SULT2B1: variants seen among roughly 807,000 people sequenced by gnomAD.
The protein encoded by SULT2B1 is sulfotransferase family 2B member 1.
A neutral mutation model predicts 33.2 loss-of-function variants in SULT2B1; 16 were observed. The observed-to-expected ratio is 0.48, with a 90% CI of 0.33 to 0.73. The LOEUF (loss-of-function observed/expected upper bound fraction) is 0.73, where lower values mean the gene tolerates loss of function less well. Among genes scored for constraint, SULT2B1 ranks in the 30% least tolerant of loss-of-function variants. The pLI, the probability that SULT2B1 is intolerant of heterozygous loss-of-function variation, is 0.02. For missense variants in SULT2B1, 500 were observed against 506.0 expected, an observed-to-expected ratio of 0.99 and a Z score of 0.11; for synonymous variants, 186 against 200.5, an observed-to-expected ratio of 0.93 and a Z score of 0.61.
At position 48,552,849 on chromosome 19, in the gene SULT2B1, G is replaced by C. The variant is rs565621166; in HGVS notation, c.71+526G>C. 6.6e-6 allele frequency among the ~76,000 whole-genome samples: 1 copy of C among 152,224 alleles called. No individual in the cohort carries two copies. The highest frequency in any genetic ancestry group is 2.1e-4 in the South Asian group (1 of 4,820). On this transcript the variant is annotated intron_variant, in intron 1 of 6. Transcript: ENST00000201586. This position sits in a 1 kb window ranked among gnomAD's most constrained non-coding sequence, Gnocchi z 4.8. ...TCTGGACTCTTCAGGTCTCCTAACAGTGGTTAGGGCAGAGCACTGCCCACT... is the reference window on the plus strand; with the variant it reads ...TCTGGACTCTTCAGGTCTCCTAACACTGGTTAGGGCAGAGCACTGCCCACT...
At chr19:48,556,388 C>G (rs1260575040) in intron 1 of SULT2B1, among the ~76,000 whole-genome samples, 3 of 152,118 alleles carry the variant, frequency 2.0e-5, no homozygotes, top group Admixed American at 6.6e-5. Context: ...TAAGCAACCT[C>G]TGAGCCGGAG....
rs959475960 is a variant in SULT2B1 at position 48,579,572 on chromosome 19, G to A, written c.214+3489G>A. Among the ~76,000 whole-genome samples the A allele has an allele frequency of 9.1e-5, 13 of 142,430 alleles. No individual in the cohort carries two copies. In the East Asian group the frequency reaches 2.4e-3, roughly 26 times the overall value. 93.4% of individuals were successfully genotyped at this position (142,430 alleles called of 152,430 possible). Reference sequence around the variant, plus strand: ...GCTGGGATTACAGGCACGAGCCACCGCGCCCGGCCTTTTTCTTTTCTTTTC... The same window carrying A: ...GCTGGGATTACAGGCACGAGCCACCACGCCCGGCCTTTTTCTTTTCTTTTC... On this transcript the variant is annotated intron_variant, in intron 2 of 6. Transcript: ENST00000201586.
chr19:48,576,354 C>CTTTTTTTTTTTTTTTTTTTTTTTTTT (rs879507532), intron 2 of SULT2B1, among the ~76,000 whole-genome samples: 9 of 79,916 alleles, frequency 1.1e-4, no homozygotes, highest in Non-Finnish European at 1.8e-4. Context: ...TTACCCTCTA[C>CTTTTTTTTTTTTTTTTTTTTTTTTTT]TTCTCTTTTT....
intron 3 of SULT2B1, among the ~76,000 whole-genome samples, chr19:48,589,054 T>C (rs993330728): frequency 6.6e-6 from 1 of 152,090 alleles, no homozygotes; most frequent in Non-Finnish European, 1.5e-5. Context: ...GGGCTTAGGC[T>C]TCACCGGCGC....
At chr19:48,579,605 C>CTTTTTTTT (rs149157128) in intron 2 of SULT2B1, among the ~76,000 whole-genome samples, 9 of 79,734 alleles carry the variant, frequency 1.1e-4, no homozygotes, top group East Asian at 4.2e-4. Context: ...TTCTTTCTTT[C>CTTTTTTTT]TTTTTTTTTT....
chr19:48,591,873 G>A, intron 4 of SULT2B1, 138 bp downstream of exon 4: 1 of 1,016,656 alleles, frequency 9.8e-7, no homozygotes, highest in Non-Finnish European at 1.3e-6. Flanking sequence ...GAGACAGAGA[G>A]CAGGTGGCCA....
Position 48,599,382 on chromosome 19 carries a change from G to A in SULT2B1, c.1074G>A (p.Glu358=). 1.3e-6 allele frequency: 2 copies of A among 1,558,780 alleles called. No individual in the cohort carries two copies. The highest frequency in any genetic ancestry group is 1.7e-6 in the Non-Finnish European group (2 of 1,151,552). The change falls in exon 7 of 7, where the codon GAG becomes GAA. Residue 358 remains glutamate, a synonymous_variant. Coordinates refer to ENST00000201586, the MANE Select transcript of SULT2B1 (RefSeq NM_177973.2). This position sits in a 1 kb window ranked among gnomAD's most constrained non-coding sequence, Gnocchi z 4.1. ...SPSPSPGQAS[E]TPHPRPS is the part of the protein sequence containing the mutation. Reference sequence around the variant, plus strand: ...GCCCCAGCCCCGGCCAGGCCTCTGAGACCCCGCACCCACGACCCTCATAAT... The same window carrying A: ...GCCCCAGCCCCGGCCAGGCCTCTGAAACCCCGCACCCACGACCCTCATAAT...
intron 1 of SULT2B1, among the ~76,000 whole-genome samples, chr19:48,553,924 C>G (rs776932011): frequency 6.6e-6 from 1 of 152,170 alleles, no homozygotes; most frequent in Non-Finnish European, 1.5e-5. Flanking sequence ...CCAGGGTTCC[C>G]GCCTCTGGGA....
At chr19:48,598,364 G>A (rs532073541) in intron 6 of SULT2B1, among the ~76,000 whole-genome samples, 1 of 152,210 alleles carries the variant, frequency 6.6e-6, no homozygotes, top group Non-Finnish European at 1.5e-5. Context: ...GGCCGAGGCA[G>A]GTGGACCACC....
chr19:48,572,178 C>T (rs1401759872), intron 1 of SULT2B1, among the ~76,000 whole-genome samples: 2 of 152,086 alleles, frequency 1.3e-5, no homozygotes, highest in East Asian at 1.9e-4. Flanking sequence ...GGCCCCATCT[C>T]CTGGGGCAAG....
intron 1 of SULT2B1, among the ~76,000 whole-genome samples, chr19:48,553,884 C>T (rs866987141): frequency 1.1e-4 from 17 of 152,310 alleles, no homozygotes; most frequent in African/African-American, 1.9e-4. Context: ...ATTCTTCTCT[C>T]CAGAGATAAA....
intron 2 of SULT2B1, among the ~76,000 whole-genome samples, chr19:48,576,554 G>C (rs1030782233): frequency 1.3e-5 from 2 of 149,422 alleles, no homozygotes; most frequent in Non-Finnish European, 3.0e-5. Flanking sequence ...CTGGGGTGCA[G>C]TGGTGCAATA....
At chr19:48,577,597 C>G (rs1253262230) in intron 2 of SULT2B1, among the ~76,000 whole-genome samples, 1 of 151,836 alleles carries the variant, frequency 6.6e-6, no homozygotes, top group Non-Finnish European at 1.5e-5. Flanking sequence ...ATCTCTTGAC[C>G]TCTTGATCTG....
chr19:48,552,245 C>G lies in SULT2B1; in HGVS notation c.-8C>G, dbSNP rs762222303. The G allele has an allele frequency of 1.2e-5, 19 of 1,613,380 alleles. No homozygotes were observed. Among genetic ancestry groups the G allele is most frequent in the African/African-American group, 1.3e-5 (1 of 74,936 alleles). On this transcript the variant is annotated 5_prime_UTR_variant, in exon 1 of 7. Transcript: ENST00000201586. The surrounding 1 kb of genome is among the most constrained non-coding windows in gnomAD (Gnocchi z 4.8). ...TCGTCCTCCCCTCCCCACCCTCACC[C>G]ACCTGCCATGGACGGGCCCGCCGAG...
intron 1 of SULT2B1, among the ~76,000 whole-genome samples, chr19:48,566,251 G>A (rs936112811): frequency 2.0e-5 from 3 of 152,032 alleles, no homozygotes; most frequent in Non-Finnish European, 2.9e-5. Context: ...TTGTAGAGAC[G>A]GAGTCTCACT....
intron 3 of SULT2B1, 62 bp from the exon 4 acceptor site, chr19:48,591,547 C>T: frequency 6.4e-7 from 1 of 1,551,032 alleles, no homozygotes; most frequent in Non-Finnish European, 8.7e-7. Flanking sequence ...CAGGAGGCCT[C>T]AGGGGCTGGG....
At chr19:48,555,119 T>C (rs1431229195) in intron 1 of SULT2B1, among the ~76,000 whole-genome samples, 3 of 151,674 alleles carry the variant, frequency 2.0e-5, no homozygotes, top group Admixed American at 2.0e-4. Flanking sequence ...TGAGACGGAG[T>C]CTCACTCTGT....
rs568494422 is a variant in SULT2B1, at chr19:48,566,863, C to T, written c.72-9078C>T. Among the ~76,000 whole-genome samples the T allele has an allele frequency of 4.0e-5, 6 of 151,420 alleles. No homozygotes were observed. The East Asian group carries it at 9.7e-4, about 25-fold the overall frequency. Reference sequence around the variant, plus strand: ...TCAAAAAAAAAAAAAATTAGAGGGACGTGTTGGCACACACCTGTAATCCCA... The same window carrying T: ...TCAAAAAAAAAAAAAATTAGAGGGATGTGTTGGCACACACCTGTAATCCCA... On this transcript the variant is annotated intron_variant, in intron 1 of 6. Transcript: ENST00000201586.
chr19:48,568,475 G>A (rs1973272831), intron 1 of SULT2B1, among the ~76,000 whole-genome samples: 1 of 152,028 alleles, frequency 6.6e-6, no homozygotes, highest in South Asian at 2.1e-4. Context: ...CTCCCTAAGA[G>A]GTTATGCCAG....
Sources: allele counts gnomAD v4.1 joint callset (sites outside exome capture counted in the v4.1 genomes callset), GRCh38; gene constraint gnomAD v4.1.1; non-coding constraint Gnocchi (gnomAD v3.1); transcripts MANE v1.5; gene names NCBI Gene and HGNC (gene_info 2026-07-23, HGNC 2026-07-21).